The following CEP112 variants were observed in gnomAD, a reference collection of about 807,000 sequenced individuals.
CEP112 encodes centrosomal protein 112, also known as centrosomal protein of 112 kDa.
Under a neutral mutation model 153.0 loss-of-function variants are expected in CEP112, and 127 were observed. That is an observed-to-expected ratio of 0.83 (90% CI 0.72 to 0.96). The LOEUF (loss-of-function observed/expected upper bound fraction) is 0.96, where lower values mean the gene tolerates loss of function less well. Among genes scored for constraint, CEP112 ranks in the 40% least tolerant of loss-of-function variants. The pLI is 0.00. For synonymous variants in CEP112, 358 were observed against 374.4 expected (o/e 0.96, Z 0.51); for missense variants, 1,089 against 1,101.2 (o/e 0.99, Z 0.16).
intron 24 of CEP112, among the ~76,000 whole-genome samples, chr17:65,682,243 C>T (rs550811970): frequency 4.6e-5 from 7 of 152,248 alleles, no homozygotes; most frequent in East Asian, 3.9e-4. Context: ...CCACCCGCCC[C>T]GGCTTCCCAA....
At chr17:65,996,434 C>T (rs533601094) in intron 17 of CEP112, among the ~76,000 whole-genome samples, 1 of 152,252 alleles carries the variant, frequency 6.6e-6, no homozygotes, top group African/African-American at 2.4e-5. Context: ...AACTATGCAG[C>T]TTTTCATCAG....
chr17:65,641,849 G>A (rs1358231759), intron 24 of CEP112, among the ~76,000 whole-genome samples: 1 of 152,186 alleles, frequency 6.6e-6, no homozygotes, highest in Non-Finnish European at 1.5e-5. Flanking sequence ...AATCTGCATA[G>A]CTGTGTCTCC....
rs2068635644 is a variant in CEP112 at position 66,103,149 on chromosome 17, C to T, written c.643-6517G>A. Among the ~76,000 whole-genome samples, 3 of 151,634 alleles carry T rather than the reference C, an allele frequency of 2.0e-5. No homozygotes were observed. The South Asian group carries it at 6.2e-4, about 32-fold the overall frequency. ...CTGAGGCAGGAGAACTGCTTGAACC[C>T]AGGAGGTGAAGGTTGCAGTGGGCCG... On this transcript the variant is annotated intron_variant, in intron 6 of 26. Coordinates refer to ENST00000535342, the MANE Select transcript of CEP112 (RefSeq NM_001199165.4).
chr17:65,775,192 A>G (rs898405758), intron 21 of CEP112, among the ~76,000 whole-genome samples: 3 of 151,886 alleles, frequency 2.0e-5, no homozygotes, highest in East Asian at 2.0e-4. Flanking sequence ...CTAAAGAGAG[A>G]GCGAGCCAAC....
chr17:65,934,985 C>T (rs571967810), intron 18 of CEP112, among the ~76,000 whole-genome samples: 13 of 152,310 alleles, frequency 8.5e-5, no homozygotes, highest in African/African-American at 3.1e-4. Flanking sequence ...ACCATCAGCT[C>T]TCATGAGACT....
chr17:66,042,992 C>A, intron 12 of CEP112: 2 of 526,996 alleles, frequency 3.8e-6, no homozygotes, highest in African/African-American at 4.1e-5. Flanking sequence ...CTCAGTGTGT[C>A]CATGAGTAGT....
Position 65,921,127 on chromosome 17 carries a change from C to G in CEP112, c.1980+6455G>C, listed in dbSNP as rs2060711713. Among the ~76,000 whole-genome samples, 6 of 151,972 alleles carry G rather than the reference C, an allele frequency of 3.9e-5. No individual in the cohort carries two copies. In the South Asian group the frequency reaches 1.2e-3, roughly 32 times the overall value. On this transcript the variant is annotated intron_variant, in intron 19 of 26. Coordinates refer to ENST00000535342, the MANE Select transcript of CEP112 (RefSeq NM_001199165.4). ...GATGGCCCTTTGAACTATCACTTAA[C>G]CACATAAAGGTACCAATATTCAAAC...
chr17:65,937,554 C>G (rs1464734749), intron 18 of CEP112, among the ~76,000 whole-genome samples: 1 of 113,246 alleles, frequency 8.8e-6, no homozygotes, highest in East Asian at 4.5e-4. Flanking sequence ...GCCGCCCCGT[C>G]CGGGAGGGAG....
chr17:66,028,130 C>A (rs62063399), intron 15 of CEP112, among the ~76,000 whole-genome samples, 183 bp downstream of exon 15: 62,299 of 109,070 alleles, frequency 0.57, 14,280 homozygotes, highest in East Asian at 0.88. Context: ...TTATTCTCTA[C>A]ATCTCAAAGC....
intron 8 of CEP112, among the ~76,000 whole-genome samples, chr17:66,083,344 C>T (rs887898636): frequency 6.6e-6 from 1 of 152,138 alleles, no homozygotes; most frequent in Admixed American, 6.5e-5. Context: ...CCCAGCCATA[C>T]AGAACTGTGA....
chr17:65,970,075 T>C (rs1331151060), intron 17 of CEP112, among the ~76,000 whole-genome samples: 4 of 152,244 alleles, frequency 2.6e-5, no homozygotes, highest in African/African-American at 9.6e-5. Context: ...ATTGCAAACA[T>C]GCATGCCACC....
chr17:65,751,991 TATCTATC>T (rs1567961882), intron 21 of CEP112, among the ~76,000 whole-genome samples: 1 of 144,106 alleles, frequency 6.9e-6, no homozygotes, highest in East Asian at 2.1e-4. Flanking sequence ...TCTATCTATC[TATCTATC>T]TATCTACTGT....
chr17:66,185,719 T>C (rs966378187), intron 1 of CEP112, among the ~76,000 whole-genome samples: 1 of 152,214 alleles, frequency 6.6e-6, no homozygotes, highest in African/African-American at 2.4e-5. Context: ...CTGATAGGGA[T>C]GTGCGCTACC....
At chr17:65,988,335 T>A (rs1361529477) in intron 17 of CEP112, among the ~76,000 whole-genome samples, 1 of 152,206 alleles carries the variant, frequency 6.6e-6, no homozygotes, top group Non-Finnish European at 1.5e-5. Context: ...GAAAACTGAA[T>A]AAATAACTAA....
intron 8 of CEP112, among the ~76,000 whole-genome samples, chr17:66,075,054 C>CAAATAGT (rs1291222165): frequency 1.3e-5 from 2 of 151,792 alleles, no homozygotes; most frequent in Admixed American, 6.6e-5. Flanking sequence ...TGCACTAAAA[C>CAAATAGT]AAATAGTAAA....
intron 22 of CEP112, among the ~76,000 whole-genome samples, chr17:65,746,365 C>T (rs1440971078): frequency 6.6e-6 from 1 of 151,892 alleles, no homozygotes; most frequent in African/African-American, 2.4e-5. Flanking sequence ...ATTTTTAAAA[C>T]TTAGGAAGGC....
At chr17:65,726,500 G>T (rs2144927749) in intron 23 of CEP112, among the ~76,000 whole-genome samples, 1 of 152,270 alleles carries the variant, frequency 6.6e-6, no homozygotes, top group African/African-American at 2.4e-5. Flanking sequence ...GAGGAGGAAG[G>T]TGAACAGCAT....
chr17:65,926,382 G>A (rs1037001910), intron 19 of CEP112, among the ~76,000 whole-genome samples: 10 of 152,142 alleles, frequency 6.6e-5, no homozygotes, highest in African/African-American at 2.4e-4. Context: ...CCTCCACCTG[G>A]CAAAGGCTAT....
At chr17:65,765,905 C>T (rs1461143890) in intron 21 of CEP112, among the ~76,000 whole-genome samples, 1 of 151,916 alleles carries the variant, frequency 6.6e-6, no homozygotes, top group African/African-American at 2.4e-5. Flanking sequence ...GTGACTGTTT[C>T]ATCAGATGTG....
Sources: allele counts gnomAD v4.1 joint callset (sites outside exome capture counted in the v4.1 genomes callset), GRCh38; gene constraint gnomAD v4.1.1; transcripts MANE v1.5; gene names NCBI Gene and HGNC (gene_info 2026-07-23, HGNC 2026-07-21).